The following STK39 variants were observed in gnomAD, a reference collection of about 807,000 sequenced individuals.
STK39 encodes the protein STE20/SPS1-related proline-alanine-rich protein kinase.
In STK39, 20 loss-of-function variants were observed where a neutral mutation model predicts 77.8. That is an observed-to-expected ratio of 0.26 (90% CI 0.18 to 0.37). The LOEUF (loss-of-function observed/expected upper bound fraction) is 0.37, where lower values mean the gene tolerates loss of function less well. STK39 is among the 10% of genes least tolerant of loss of function. STK39 has a pLI of 1.00. For synonymous variants in STK39, 246 were observed against 234.1 expected, an observed-to-expected ratio of 1.05 and a Z score of -0.47; for missense variants, 479 against 656.5, an observed-to-expected ratio of 0.73 and a Z score of 2.95.
intron 1 of STK39, among the ~76,000 whole-genome samples, chr2:168,214,488 G>A (rs1389229417): frequency 6.6e-6 from 1 of 152,114 alleles, no homozygotes; most frequent in East Asian, 1.9e-4. Flanking sequence ...CTGGGAGAAG[G>A]GAAAATGGAA....
intron 16 of STK39, among the ~76,000 whole-genome samples, chr2:167,973,560 A>G (rs1216837308): frequency 1.3e-5 from 2 of 152,242 alleles, no homozygotes; most frequent in East Asian, 3.8e-4. Context: ...TCGTGAAAAG[A>G]TTTGTGAAAG....
intron 10 of STK39, among the ~76,000 whole-genome samples, chr2:168,119,346 A>C (rs1156460196): frequency 6.6e-6 from 1 of 152,170 alleles, no homozygotes; most frequent in Non-Finnish European, 1.5e-5. Flanking sequence ...GAAACCAAAG[A>C]ATTTTCTAAA....
intron 10 of STK39, among the ~76,000 whole-genome samples, chr2:168,113,588 T>C (rs944842325): frequency 2.0e-5 from 3 of 152,202 alleles, no homozygotes; most frequent in Non-Finnish European, 2.9e-5. Context: ...TATAATCACA[T>C]GGCAGGACTA....
At chr2:168,126,173 G>T (rs549617661) in intron 10 of STK39, among the ~76,000 whole-genome samples, 1 of 152,254 alleles carries the variant, frequency 6.6e-6, no homozygotes, top group Admixed American at 6.5e-5. Context: ...TCAATGGACT[G>T]TCTGTTTCTC....
chr2:168,116,045 G>A (rs1687250702), intron 10 of STK39, among the ~76,000 whole-genome samples: 2 of 152,140 alleles, frequency 1.3e-5, no homozygotes, highest in Admixed American at 6.5e-5. Flanking sequence ...GTAGAGCCAG[G>A]GCTGGCTGGA....
chr2:168,225,390 G>A (rs983649102), intron 1 of STK39, among the ~76,000 whole-genome samples: 1 of 152,038 alleles, frequency 6.6e-6, no homozygotes, highest in Non-Finnish European at 1.5e-5. Context: ...ACATAGGAAA[G>A]TTAGTTCCTC....
chr2:168,038,448 T>TA (rs1267628137), intron 14 of STK39, among the ~76,000 whole-genome samples: 2 of 72,224 alleles, frequency 2.8e-5, no homozygotes, highest in African/African-American at 8.8e-5. Flanking sequence ...CTAAAATGAT[T>TA]TAAAAAAAAA....
chr2:168,236,874 A>T (rs1181078411), intron 1 of STK39, among the ~76,000 whole-genome samples: 2 of 152,140 alleles, frequency 1.3e-5, no homozygotes, highest in Non-Finnish European at 2.9e-5. Flanking sequence ...GTTTGAAGTC[A>T]GGTAGTGTGA....
chr2:167,982,403 A>C (rs892168970), intron 16 of STK39, among the ~76,000 whole-genome samples: 3 of 152,206 alleles, frequency 2.0e-5, no homozygotes, highest in Non-Finnish European at 4.4e-5. Flanking sequence ...CTCCAAAAAC[A>C]GGAGACACAA....
intron 10 of STK39, among the ~76,000 whole-genome samples, chr2:168,089,889 G>A (rs746043362): frequency 1.3e-5 from 2 of 152,176 alleles, no homozygotes; most frequent in South Asian, 2.1e-4. Flanking sequence ...ATGAGCCACC[G>A]CACCTGGTCT....
chr2:168,019,509 T>TA lies in STK39; in HGVS notation c.1377-2415dup, dbSNP rs751743726. On this transcript the variant is annotated intron_variant, in intron 14 of 17. Coordinates refer to ENST00000355999, the MANE Select transcript of STK39 (RefSeq NM_013233.3). ...GTTTTGAAACGTACCCTTGCGAAGA[T>TA]ATGGAGGGATTACCGCACATAACTT... Among the ~76,000 whole-genome samples the TA allele has an allele frequency of 1.4e-4, 21 of 152,248 alleles. 1 individual carries two copies. In the East Asian group the frequency reaches 2.9e-3, roughly 21 times the overall value.
chr2:168,062,107 T>G (rs1276563438), intron 14 of STK39, among the ~76,000 whole-genome samples: 1 of 152,130 alleles, frequency 6.6e-6, no homozygotes, highest in Non-Finnish European at 1.5e-5. Context: ...AAAAAAAGAT[T>G]CCTGCATATA....
At chr2:168,217,048 G>T (rs1025048802) in intron 1 of STK39, among the ~76,000 whole-genome samples, 16 of 152,194 alleles carry the variant, frequency 1.1e-4, no homozygotes, top group South Asian at 2.1e-4. Flanking sequence ...AGACCTGCCA[G>T]GGTTGTATTT....
chr2:168,218,836 C>CG (rs1690090583), intron 1 of STK39, among the ~76,000 whole-genome samples: 1 of 152,206 alleles, frequency 6.6e-6, no homozygotes, highest in Non-Finnish European at 1.5e-5. Flanking sequence ...GACAGAAGTT[C>CG]ATGCATCCAT....
chr2:168,247,565 C>CGCCGCCGCCGCCGCCGCCGCCG lies in STK39; in HGVS notation c.-131_-130insCGGCGGCGGCGGCGGCGGCGGC, dbSNP rs1690973857. On this transcript the variant is annotated 5_prime_UTR_variant, in exon 1 of 18. Transcript: ENST00000355999. ...CCCGCCCGCCGCCGCCGCCGCCGTC[C>CGCCGCCGCCGCCGCCGCCGCCG]CCGCCGAAGCCAGCTAGGAGGGGAG... is the stretch of plus-strand genomic sequence containing the variant. 1 of 140,230 alleles carries CGCCGCCGCCGCCGCCGCCGCCG rather than the reference C, an allele frequency of 7.1e-6. No individual in the cohort carries two copies. Among genetic ancestry groups the CGCCGCCGCCGCCGCCGCCGCCG allele is most frequent in the African/African-American group, 3.7e-5 (1 of 27,300 alleles). The allele number at this position is 140,230 out of a possible 1,614,324, so 8.7% of individuals were successfully genotyped here.
At chr2:167,964,479 C>G (rs1195127166) in intron 17 of STK39, 183 bp downstream of exon 17, 3 of 581,752 alleles carry the variant, frequency 5.2e-6, no homozygotes, top group East Asian at 6.0e-5. Context: ...GAGGACACTT[C>G]CAGTCACAAT....
At chr2:168,190,273 T>A (rs13385577) in intron 1 of STK39, among the ~76,000 whole-genome samples, 49,077 of 151,952 alleles carry the variant, frequency 0.32, 8,252 homozygotes, top group East Asian at 0.46. Flanking sequence ...CCAAGTTGGG[T>A]CTACACAGAG....
At chr2:168,050,516 A>G (rs2105365884) in intron 14 of STK39, among the ~76,000 whole-genome samples, 1 of 152,326 alleles carries the variant, frequency 6.6e-6, no homozygotes, top group African/African-American at 2.4e-5. Context: ...GGTCCTTAAA[A>G]GCAGAGAAGC....
intron 14 of STK39, among the ~76,000 whole-genome samples, chr2:168,019,636 C>T (rs535337898): frequency 6.6e-6 from 1 of 152,148 alleles, no homozygotes; most frequent in Admixed American, 6.6e-5. Context: ...CACAACAGTG[C>T]CTGCAGTGGG....
Sources: allele counts gnomAD v4.1 joint callset (sites outside exome capture counted in the v4.1 genomes callset), GRCh38; gene constraint gnomAD v4.1.1; transcripts MANE v1.5; gene names NCBI Gene and HGNC (gene_info 2026-07-23, HGNC 2026-07-21).